HIPK2: variants seen among roughly 807,000 people sequenced by gnomAD.
HIPK2 encodes the protein homeodomain-interacting protein kinase 2.
Under a neutral mutation model 113.7 loss-of-function variants are expected in HIPK2, and 27 were observed. The ratio of observed to expected loss-of-function variants is 0.24; its 90% CI spans 0.17 to 0.33. The LOEUF (loss-of-function observed/expected upper bound fraction) is 0.33. HIPK2 is among the 10% of genes least tolerant of loss of function. The probability of loss-of-function intolerance (pLI) is 1.00; values close to 1 mark genes in which losing one functional copy is unlikely to be tolerated. For synonymous variants in HIPK2, 631 were observed against 642.2 expected (o/e 0.98, Z 0.26); for missense variants, 1,257 against 1,588.0 (o/e 0.79, Z 3.54).
intron 2 of HIPK2, among the ~76,000 whole-genome samples, chr7:139,636,168 G>T (rs1434247088): frequency 6.6e-6 from 1 of 152,010 alleles, no homozygotes; most frequent in East Asian, 1.9e-4. Flanking sequence ...TTTCACGCGG[G>T]TGATCATTCC....
At chr7:139,745,233 G>A (rs1796170518) in intron 1 of HIPK2, among the ~76,000 whole-genome samples, 1 of 152,154 alleles carries the variant, frequency 6.6e-6, no homozygotes, top group Admixed American at 6.5e-5. Flanking sequence ...ATTATTCTGC[G>A]GTTACCCTGA....
chr7:139,690,264 T>C (rs914524799), intron 2 of HIPK2, among the ~76,000 whole-genome samples: 1 of 151,694 alleles, frequency 6.6e-6, no homozygotes, highest in African/African-American at 2.4e-5. Context: ...CCCTATTTAG[T>C]GGTATGAGCA....
intron 1 of HIPK2, among the ~76,000 whole-genome samples, chr7:139,719,032 G>T (rs1460090522): frequency 6.6e-6 from 1 of 152,160 alleles, no homozygotes; most frequent in Non-Finnish European, 1.5e-5. Flanking sequence ...TGCTGACCAC[G>T]ACTTCCTTCT....
rs942820284 is a variant in HIPK2 at position 139,633,095 on chromosome 7, CAA to C, written c.1104-1372_1104-1371del. On this transcript the variant is annotated intron_variant, in intron 2 of 14. Transcript: ENST00000406875. ...TGGACGACAGAAATAGACCCTGTCT[CAA>C]AAAAAAAAAAAAAAAAAAAAAAGAA... 6.7e-5 allele frequency among the ~76,000 whole-genome samples: 5 copies of C among 74,638 alleles called. No individual in the cohort carries two copies. The East Asian group carries it at 1.7e-3, about 26-fold the overall frequency. The allele number at this position is 74,638 out of a possible 152,430, so 49.0% of individuals were successfully genotyped here. A position where few individuals can be genotyped will look rare whatever the true frequency, so the allele number is the denominator to read the frequency against.
In HIPK2 at chr7:139,604,064, A is replaced by G; in HGVS notation, c.2255+17T>C. On this transcript the variant is annotated intron_variant, in intron 10 of 14. Transcript: ENST00000406875. The stretch of plus-strand genomic sequence containing the variant: ...TCCCAGACACACCCACTCACCCTAG[A>G]GGGGTTTCCTGCTTACCTCCAGTCC... The G allele has an allele frequency of 6.2e-7, 1 of 1,613,578 alleles. No individual in the cohort carries two copies. Among genetic ancestry groups the G allele is most frequent in the Non-Finnish European group, 8.5e-7 (1 of 1,179,786 alleles).
intron 2 of HIPK2, among the ~76,000 whole-genome samples, chr7:139,665,950 CT>C (rs1012816558): frequency 0.095 from 13,301 of 139,406 alleles, 611 homozygotes; most frequent in South Asian, 0.14. Flanking sequence ...GGAGGTCTGC[CT>C]TTTTTTTTTT....
chr7:139,763,363 C>T (rs1405265479), intron 1 of HIPK2, among the ~76,000 whole-genome samples: 1 of 151,974 alleles, frequency 6.6e-6, no homozygotes, highest in Non-Finnish European at 1.5e-5. Flanking sequence ...GAAGCCAGTC[C>T]AGATGAGACA....
chr7:139,644,434 G>C lies in HIPK2; in HGVS notation c.1104-12709C>G, dbSNP rs990488327. On this transcript the variant is annotated intron_variant, in intron 2 of 14. Transcript: ENST00000406875. ...GGTATGGGTGCACATCGGTGTGGCA[G>C]CCCCCATGCCTCGCTGTGCTCTGCC... Among the ~76,000 whole-genome samples, 87 of 152,202 alleles carry C rather than the reference G, an allele frequency of 5.7e-4. 1 individual carries two copies. Among genetic ancestry groups the C allele is most frequent in the Non-Finnish European group, 1.9e-4 (13 of 68,046 alleles).
At chr7:139,768,751 C>T (rs1412728854) in intron 1 of HIPK2, among the ~76,000 whole-genome samples, 1 of 152,152 alleles carries the variant, frequency 6.6e-6, no homozygotes, top group African/African-American at 2.4e-5. Flanking sequence ...AAGGAAGTGG[C>T]TCTGACAGCC....
intron 1 of HIPK2, among the ~76,000 whole-genome samples, chr7:139,759,168 A>G (rs1241003252): frequency 6.6e-6 from 1 of 152,250 alleles, no homozygotes; most frequent in Non-Finnish European, 1.5e-5. Flanking sequence ...ACACAAAATG[A>G]CATTTAAATA....
intron 1 of HIPK2, among the ~76,000 whole-genome samples, chr7:139,720,611 A>G (rs1169139581): frequency 6.6e-6 from 1 of 152,254 alleles, no homozygotes; most frequent in African/African-American, 2.4e-5. Context: ...GCTATTCCCT[A>G]TTTATCAGTA....
intron 1 of HIPK2, among the ~76,000 whole-genome samples, chr7:139,730,312 A>G (rs1402996265): frequency 6.6e-6 from 1 of 151,526 alleles, no homozygotes; most frequent in South Asian, 2.1e-4. Context: ...AATCTACTCT[A>G]TTCTTTCCCA....
At chr7:139,591,750 G>A (rs1174481723) in intron 12 of HIPK2, among the ~76,000 whole-genome samples, 1 of 152,230 alleles carries the variant, frequency 6.6e-6, no homozygotes, top group Non-Finnish European at 1.5e-5. Flanking sequence ...AACTGGGGAT[G>A]TATTGTACTC....
chr7:139,760,789 A>T (rs1486983558), intron 1 of HIPK2, among the ~76,000 whole-genome samples: 2 of 152,212 alleles, frequency 1.3e-5, no homozygotes, highest in Admixed American at 1.3e-4. Context: ...CTCTAGAAAC[A>T]AGTCACCTCT....
intron 2 of HIPK2, among the ~76,000 whole-genome samples, chr7:139,644,322 T>C (rs1465911874): frequency 6.6e-6 from 1 of 152,210 alleles, no homozygotes; most frequent in Non-Finnish European, 1.5e-5. Context: ...CTGTGGTATT[T>C]CCTCCCATCC....
intron 1 of HIPK2, among the ~76,000 whole-genome samples, chr7:139,768,385 G>A (rs1372321920): frequency 3.3e-5 from 5 of 152,168 alleles, no homozygotes; most frequent in African/African-American, 9.7e-5. Context: ...CAAGAGGCAG[G>A]GCTCAAGTTT....
chr7:139,646,703 C>T (rs912677123), intron 2 of HIPK2, among the ~76,000 whole-genome samples: 1 of 152,090 alleles, frequency 6.6e-6, no homozygotes. Flanking sequence ...TCTCGTGAGC[C>T]CCAAACACTA....
intron 5 of HIPK2, among the ~76,000 whole-genome samples, chr7:139,628,445 T>A: frequency 6.6e-6 from 1 of 152,174 alleles, no homozygotes; most frequent in Non-Finnish European, 1.5e-5. Flanking sequence ...GAATGATTGT[T>A]TTTTTGTTTT....
intron 5 of HIPK2, among the ~76,000 whole-genome samples, chr7:139,628,056 G>C (rs768923542): frequency 6.6e-6 from 1 of 152,232 alleles, no homozygotes; most frequent in African/African-American, 2.4e-5. Context: ...CAGAGGCACA[G>C]AGGAGACACA....
Sources: allele counts gnomAD v4.1 joint callset (sites outside exome capture counted in the v4.1 genomes callset), GRCh38; gene constraint gnomAD v4.1.1; transcripts MANE v1.5; gene names NCBI Gene and HGNC (gene_info 2026-07-23, HGNC 2026-07-21).